Variants in MAP3K19 observed in about 807,000 individuals in gnomAD.
MAP3K19 encodes the protein SPS1/STE20-related protein kinase YSK4.
Under a neutral mutation model 114.4 loss-of-function variants are expected in MAP3K19, and 91 were observed. The ratio of observed to expected loss-of-function variants is 0.80; its 90% CI spans 0.67 to 0.95. MAP3K19 has a LOEUF of 0.95. Ranked by LOEUF, MAP3K19 falls within the 40% of genes least tolerant of loss-of-function variation. The pLI, the probability that MAP3K19 is intolerant of heterozygous loss-of-function variation, is 0.00. For missense variants in MAP3K19, 1,471 were observed against 1,573.2 expected, an observed-to-expected ratio of 0.94 and a Z score of 1.10; for synonymous variants, 518 against 530.5, an observed-to-expected ratio of 0.98 and a Z score of 0.32.
intron 2 of MAP3K19, among the ~76,000 whole-genome samples, chr2:135,037,697 T>A (rs1394959976): frequency 6.6e-6 from 1 of 152,128 alleles, no homozygotes; most frequent in Non-Finnish European, 1.5e-5. Context: ...AAGATAGAAA[T>A]AGTGTCTCCT....
At chr2:135,003,906 T>C (rs765916925) in intron 6 of MAP3K19, among the ~76,000 whole-genome samples, 9 of 152,200 alleles carry the variant, frequency 5.9e-5, no homozygotes, top group Non-Finnish European at 1.2e-4. Context: ...GACAATAATA[T>C]CTAAAACACT....
intron 5 of MAP3K19, among the ~76,000 whole-genome samples, chr2:135,011,774 C>G (rs1169840380): frequency 6.6e-6 from 1 of 151,990 alleles, no homozygotes; most frequent in Non-Finnish European, 1.5e-5. Flanking sequence ...CTTTGAACTC[C>G]TGGGCTTGAA....
rs1187957592 is a variant in MAP3K19, at chr2:134,997,817, C to CAAAAAAAAAAAAAAAAAAAAAAAAAA, written c.574+920_574+921insTTTTTTTTTTTTTTTTTTTTTTTTTT. ...CTGGTGACAGAGCGAGACTCCGTCT[C>CAAAAAAAAAAAAAAAAAAAAAAAAAA]AAAAAAAAAAAAACTTTAAGCACTG... On this transcript the variant is annotated intron_variant, in intron 8 of 12. Transcript: ENST00000392915. Among the ~76,000 whole-genome samples the CAAAAAAAAAAAAAAAAAAAAAAAAAA allele has an allele frequency of 2.9e-3, 268 of 90,866 alleles. 21 individuals are homozygous for CAAAAAAAAAAAAAAAAAAAAAAAAAA. Among genetic ancestry groups the CAAAAAAAAAAAAAAAAAAAAAAAAAA allele is most frequent in the South Asian group, 6.5e-3 (14 of 2,152 alleles). 59.6% of individuals were successfully genotyped at this position (90,866 alleles called of 152,430 possible).
intron 12 of MAP3K19, among the ~76,000 whole-genome samples, chr2:134,968,165 C>G (rs1344215402): frequency 6.6e-6 from 1 of 152,106 alleles, no homozygotes; most frequent in East Asian, 1.9e-4. Flanking sequence ...TCAGAGAGCA[C>G]AGGGTTGGGG....
rs1337367952 is a variant in MAP3K19, at chr2:134,964,709, A to G, written c.*141T>C. The stretch of plus-strand genomic sequence containing the variant: ...AGGCTAATATGTAACTGCAACTTTC[A>G]GTTAATGACTCCATAGGATCTGCTT... On this transcript the variant is annotated 3_prime_UTR_variant, in exon 13 of 13. Coordinates refer to ENST00000392915, the MANE Select transcript of MAP3K19 (RefSeq NM_025052.5). 1.8e-5 allele frequency: 10 copies of G among 545,910 alleles called. No homozygotes were observed. The East Asian group carries it at 2.7e-4, about 15-fold the overall frequency. 33.8% of individuals were successfully genotyped at this position (545,910 alleles called of 1,614,324 possible). A position where few individuals can be genotyped will look rare whatever the true frequency, so the allele number is the denominator to read the frequency against.
chr2:135,039,601 A>C, intron 2 of MAP3K19, among the ~76,000 whole-genome samples: 1 of 152,146 alleles, frequency 6.6e-6, no homozygotes, highest in African/African-American at 2.4e-5. Flanking sequence ...ACAAACAAAC[A>C]AAAAAACAAA....
intron 8 of MAP3K19, among the ~76,000 whole-genome samples, chr2:134,995,951 CT>C (rs113279230): frequency 8.0e-5 from 12 of 149,270 alleles, no homozygotes; most frequent in African/African-American, 2.5e-4. Context: ...ACTAGCTGTA[CT>C]TTTTTTTTTA....
At chr2:134,993,949 G>T (rs1685801943) in intron 8 of MAP3K19, among the ~76,000 whole-genome samples, 1 of 152,166 alleles carries the variant, frequency 6.6e-6, no homozygotes, top group African/African-American at 2.4e-5. Flanking sequence ...TATTGAGGCT[G>T]CAGCGAGCCA....
intron 12 of MAP3K19, among the ~76,000 whole-genome samples, chr2:134,976,986 C>T (rs1450904132): frequency 6.8e-6 from 1 of 146,762 alleles, no homozygotes; most frequent in East Asian, 2.0e-4. Flanking sequence ...ACGGAGGTTG[C>T]AGTGAGCCAA....
In MAP3K19 at chr2:134,968,049, A is replaced by T. The variant is rs4465816; in HGVS notation, c.3921-3133T>A. On this transcript the variant is annotated intron_variant, in intron 12 of 12. Coordinates refer to ENST00000392915, the MANE Select transcript of MAP3K19 (RefSeq NM_025052.5). ...GTCCCTGGGTACTTGAGATTAGGGA[A>T]TGGTGATGACTCCCAACGAGCATGC... Among the ~76,000 whole-genome samples, 64 of 151,998 alleles carry T rather than the reference A, an allele frequency of 4.2e-4. No individual in the cohort carries two copies. The East Asian group carries it at 7.0e-3, about 17-fold the overall frequency.
chr2:135,003,787 C>A (rs963843715), intron 6 of MAP3K19, among the ~76,000 whole-genome samples: 1 of 152,230 alleles, frequency 6.6e-6, no homozygotes, highest in African/African-American at 2.4e-5. Context: ...CTCCTGACCT[C>A]AGGTGATCCG....
In MAP3K19 at chr2:135,031,864, G is replaced by A. The variant is rs1375753048; in HGVS notation, c.-283-1364C>T. On this transcript the variant is annotated intron_variant, in intron 2 of 12. Transcript: ENST00000392915. The stretch of plus-strand genomic sequence containing the variant: ...AAATCAGGGATAATTCCAAGATACT[G>A]TCTTCAGTGTACTTTTATCTGTCTG... Among the ~76,000 whole-genome samples the A allele has an allele frequency of 2.6e-5, 4 of 152,170 alleles. No homozygotes were observed. In the East Asian group the frequency reaches 7.7e-4, roughly 29 times the overall value.
rs781510594 is a variant in MAP3K19, at chr2:135,018,281, CAAAAAAAAA to C, written c.138+3425_138+3433del. Among the ~76,000 whole-genome samples, 11 of 58,278 alleles carry C rather than the reference CAAAAAAAAA, an allele frequency of 1.9e-4. No homozygotes were observed. In the East Asian group the frequency reaches 5.3e-3, roughly 28 times the overall value. The allele number at this position is 58,278 out of a possible 152,430, so 38.2% of individuals were successfully genotyped here. A position where few individuals can be genotyped will look rare whatever the true frequency, so the allele number is the denominator to read the frequency against. On this transcript the variant is annotated intron_variant, in intron 5 of 12. Transcript: ENST00000392915. Reference sequence around the variant, plus strand: ...ACTCCAGCAGCCTTGGCAACAACAGCAAAAAAAAAAAAAAAAAAAAAAAGAATTGATAGT... The same window carrying C: ...ACTCCAGCAGCCTTGGCAACAACAGCAAAAAAAAAAAAAAGAATTGATAGT...
rs565228471 is a variant in MAP3K19 at position 134,999,587 on chromosome 2, A to G, written c.314+350T>C. 3.9e-5 allele frequency among the ~76,000 whole-genome samples: 6 copies of G among 152,296 alleles called. No individual in the cohort carries two copies. In the East Asian group the frequency reaches 9.7e-4, roughly 25 times the overall value. On this transcript the variant is annotated intron_variant, in intron 7 of 12. Coordinates refer to ENST00000392915, the MANE Select transcript of MAP3K19 (RefSeq NM_025052.5). This position sits in a 1 kb window ranked among gnomAD's most constrained non-coding sequence, Gnocchi z 4.1. ...ACTAGTAACAGGACCACAGAACCAC[A>G]TTCTAAGTAGCTCTGCCCTGCAGTA...
chr2:134,999,969 T>C lies in MAP3K19; in HGVS notation c.282A>G (p.Gln94=). 6.2e-7 allele frequency: 1 copy of C among 1,611,994 alleles called. No individual in the cohort carries two copies. ...VTFPRDVSPP[Q]EMSQEDLKEK... ...CTTTTAAGTCTTCTTGGCTCATTTCTTGGGGAGGACTGACATCTCTTGGAA... is the reference window on the plus strand; with the variant it reads ...CTTTTAAGTCTTCTTGGCTCATTTCCTGGGGAGGACTGACATCTCTTGGAA... The change falls in exon 7 of 13, where the codon CAA becomes CAG. Residue 94 remains glutamine (Q), a synonymous_variant. Coordinates refer to ENST00000392915, the MANE Select transcript of MAP3K19 (RefSeq NM_025052.5). The surrounding 1 kb of genome is among the most constrained non-coding windows in gnomAD (Gnocchi z 4.1).
chr2:135,037,304 C>T (rs1235121611), intron 2 of MAP3K19, among the ~76,000 whole-genome samples: 1 of 152,178 alleles, frequency 6.6e-6, no homozygotes, highest in Non-Finnish European at 1.5e-5. Context: ...TTTTTGACAG[C>T]AGACCCGGAT....
At chr2:134,989,339 T>C (rs1484395873) in intron 9 of MAP3K19, among the ~76,000 whole-genome samples, 1 of 152,218 alleles carries the variant, frequency 6.6e-6, no homozygotes, top group East Asian at 1.9e-4. Context: ...GCATGGGTCA[T>C]GGGTAGTAAT....
chr2:134,986,171 T>G lies in MAP3K19; in HGVS notation c.2701A>C (p.Lys901Gln), dbSNP rs1371250178. 12 of 1,613,782 alleles carry G rather than the reference T, an allele frequency of 7.4e-6. No homozygotes were observed. Among genetic ancestry groups the G allele is most frequent in the Non-Finnish European group, 9.3e-6 (11 of 1,179,980 alleles). The change falls in exon 10 of 13, where the codon AAA becomes CAA. Residue 901 changes from lysine to glutamine, a missense_variant. Transcript: ENST00000392915. ...LEFDSVSDHSKTLTNFSFQAK... is the reference protein window; with the variant it reads ...LEFDSVSDHSQTLTNFSFQAK... Reference sequence around the variant, plus strand: ...TGGAAAGAGAAATTTGTAAGTGTTTTAGAGTGATCTGAAACACTATCAAAC... The same window carrying G: ...TGGAAAGAGAAATTTGTAAGTGTTTGAGAGTGATCTGAAACACTATCAAAC...
chr2:134,987,001 T>G lies in MAP3K19; in HGVS notation c.1871A>C (p.Gln624Pro). Residue 624 changes from glutamine (Q) to proline (P), a missense_variant, in exon 10 of 13, where the codon CAG (glutamine) becomes CCG (proline). Transcript: ENST00000392915. ...AACAGAGAGAGGAACACATGACTTC[T>G]GTGTTCCTGGATTTTTACAGATGCA... ...FPCICKNPGT[Q>P]KSCVPLSVQP... 6.2e-7 allele frequency: 1 copy of G among 1,613,612 alleles called. No homozygotes were observed. Among genetic ancestry groups the G allele is most frequent in the Non-Finnish European group, 8.5e-7 (1 of 1,180,038 alleles).
Sources: gnomAD v4.1 joint callset for allele counts (sites outside exome capture counted in the v4.1 genomes callset) on GRCh38, gnomAD v4.1.1 for gene constraint, Gnocchi (gnomAD v3.1) non-coding constraint, MANE v1.5 for transcripts, NCBI Gene and HGNC (gene_info 2026-07-23, HGNC 2026-07-21) for gene names.